The following FMN1 variants were observed in gnomAD, a reference collection of about 807,000 sequenced individuals.
The protein encoded by FMN1 is formin-1.
FMN1 carries 110 observed loss-of-function variants against 132.4 expected under a neutral mutation model. The observed-to-expected ratio is 0.83, with a 90% CI of 0.71 to 0.97. The LOEUF (loss-of-function observed/expected upper bound fraction) is 0.97, where lower values mean the gene tolerates loss of function less well. FMN1 is among the 50% of genes least tolerant of loss of function. FMN1 has a pLI of 0.00. For synonymous variants in FMN1, 722 were observed against 651.7 expected (o/e 1.11, Z -1.64); for missense variants, 1,792 against 1,705.3 (o/e 1.05, Z -0.90).
Position 33,107,558 on chromosome 15 carries a change from T to C in FMN1, c.1868-18584A>G, listed in dbSNP as rs149574140. 2.8e-3 allele frequency among the ~76,000 whole-genome samples: 421 copies of C among 152,216 alleles called. 3 individuals carry two copies. The highest frequency in any genetic ancestry group is 9.7e-3 in the African/African-American group (405 of 41,550). ...TTGCTGTTTTGTAATGACACCAACC[T>C]CATTCCTGCCTTTGGCATTTACACT... On this transcript the variant is annotated intron_variant, in intron 4 of 20. Transcript: ENST00000616417.
At chr15:33,033,282 A>T (rs959270407) in intron 6 of FMN1, among the ~76,000 whole-genome samples, 1 of 152,100 alleles carries the variant, frequency 6.6e-6, no homozygotes, top group African/African-American at 2.4e-5. Context: ...CGCCCACCTC[A>T]GCCTCCCAAA....
At chr15:33,019,216 CA>C (rs2035272378) in intron 6 of FMN1, among the ~76,000 whole-genome samples, 1 of 152,110 alleles carries the variant, frequency 6.6e-6, no homozygotes. Flanking sequence ...GAGCTAGACA[CA>C]AAAGTTCTCC....
rs79003285 is a variant in FMN1 at position 33,176,229 on chromosome 15, T to G, written c.-132+3969A>C. Among the ~76,000 whole-genome samples, 574 of 152,012 alleles carry G rather than the reference T, an allele frequency of 3.8e-3. 1 individual carries two copies. Among genetic ancestry groups the G allele is most frequent in the African/African-American group, 0.014 (562 of 41,454 alleles). On this transcript the variant is annotated intron_variant, in intron 3 of 20. Coordinates refer to ENST00000616417, the MANE Select transcript of FMN1 (RefSeq NM_001277313.2). ...CTCTTCTAAAAATACAAAAGTTAGC[T>G]GGGCATAGTAGCACATGCCTGTAAT...
chr15:33,174,045 T>C (rs963515421), intron 3 of FMN1, among the ~76,000 whole-genome samples: 4 of 152,034 alleles, frequency 2.6e-5, no homozygotes, highest in African/African-American at 9.7e-5. Context: ...ATATAATATG[T>C]ATTATTATTA....
At chr15:33,007,872 T>G in intron 7 of FMN1, 142 bp downstream of exon 7, 1 of 605,774 alleles carries the variant, frequency 1.7e-6, no homozygotes, top group Non-Finnish European at 2.9e-6. Context: ...ATTCCCTGTA[T>G]AGACACAGTG....
intron 10 of FMN1, among the ~76,000 whole-genome samples, chr15:32,916,386 G>T (rs987977780): frequency 6.6e-6 from 1 of 152,168 alleles, no homozygotes; most frequent in African/African-American, 2.4e-5. Context: ...CTTCTAATGA[G>T]TAAAAAGACA....
In FMN1 at chr15:33,134,862, C is replaced by T. The variant is rs752184279; in HGVS notation, c.1867+18186G>A. 1.0e-3 allele frequency among the ~76,000 whole-genome samples: 154 copies of T among 152,138 alleles called. 1 individual carries two copies. Among genetic ancestry groups the T allele is most frequent in the Non-Finnish European group, 3.2e-4 (22 of 68,036 alleles). The stretch of plus-strand genomic sequence containing the variant: ...ACTAAAAGTACAAAATTTAGCCAGG[C>T]GTGGTGGCTTATGCCTGTAATCCCA... On this transcript the variant is annotated intron_variant, in intron 4 of 20. Coordinates refer to ENST00000616417, the MANE Select transcript of FMN1 (RefSeq NM_001277313.2).
At chr15:32,802,224 T>C (rs2057504483) in intron 18 of FMN1, among the ~76,000 whole-genome samples, 1 of 152,200 alleles carries the variant, frequency 6.6e-6, no homozygotes, top group African/African-American at 2.4e-5. Flanking sequence ...CCTGTCTGAT[T>C]TGTATCTTTT....
chr15:33,028,322 T>G (rs920663551), intron 6 of FMN1, among the ~76,000 whole-genome samples: 7 of 152,034 alleles, frequency 4.6e-5, no homozygotes, highest in Non-Finnish European at 1.0e-4. Flanking sequence ...AAAAGTAAGC[T>G]CCTACATTTG....
intron 17 of FMN1, among the ~76,000 whole-genome samples, chr15:32,843,940 T>C (rs1322931383): frequency 6.6e-6 from 1 of 152,166 alleles, no homozygotes; most frequent in Non-Finnish European, 1.5e-5. Flanking sequence ...ACAGTTCTGA[T>C]CTACTCAAAT....
chr15:32,806,959 A>C (rs1443604943), intron 17 of FMN1, among the ~76,000 whole-genome samples: 1 of 151,928 alleles, frequency 6.6e-6, no homozygotes, highest in African/African-American at 2.4e-5. Context: ...TCCTTTCCTC[A>C]TGTGTTTATC....
At chr15:33,073,181 C>G (rs1199965000) in intron 5 of FMN1, among the ~76,000 whole-genome samples, 1 of 152,176 alleles carries the variant, frequency 6.6e-6, no homozygotes, top group Non-Finnish European at 1.5e-5. Context: ...AATTCACCCC[C>G]ACATTCTCAT....
At position 32,768,670 on chromosome 15, in the gene FMN1, T is replaced by G. The variant is rs552420390; in HGVS notation, c.*5640A>C. 5 of 152,340 alleles carry G rather than the reference T, an allele frequency of 3.3e-5. No individual in the cohort carries two copies. In the South Asian group the frequency reaches 1.0e-3, roughly 32 times the overall value. The allele number at this position is 152,340 out of a possible 1,614,324, so 9.4% of individuals were successfully genotyped here. A position where few individuals can be genotyped will look rare whatever the true frequency, so the allele number is the denominator to read the frequency against. Reference sequence around the variant, plus strand: ...TGAAACTATAGTCTTCTTTGCATTTTGCTGGCCCAATGTCATCAAGTTTCA... The same window carrying G: ...TGAAACTATAGTCTTCTTTGCATTTGGCTGGCCCAATGTCATCAAGTTTCA... On this transcript the variant is annotated 3_prime_UTR_variant, in exon 21 of 21. Transcript: ENST00000616417.
intron 16 of FMN1, among the ~76,000 whole-genome samples, chr15:32,874,116 G>T (rs1567307100): frequency 1.3e-5 from 2 of 149,692 alleles, no homozygotes; most frequent in South Asian, 2.1e-4. Context: ...CTGCCTCCTG[G>T]GTTCAAGCGA....
intron 16 of FMN1, among the ~76,000 whole-genome samples, chr15:32,857,401 T>G (rs1391443908): frequency 6.6e-6 from 1 of 152,220 alleles, no homozygotes; most frequent in African/African-American, 2.4e-5. Flanking sequence ...GGTAAAGTAT[T>G]CTGCTTGTGT....
rs772625854 is a variant in FMN1, at chr15:32,969,364, C to G, written c.2337G>C (p.Gly779=). ...ACACATCTTTCCTCTCTTCACAACC[C>G]CCTCGCCATCTGTGTTCTAGCTCGT... is the stretch of plus-strand genomic sequence containing the variant. The part of the protein sequence containing the change: ...LKHELEHRWR[G]GCEERKDVCI... Residue 779 remains glycine, a synonymous_variant, in exon 8 of 21, where the codon GGG becomes GGC. Coordinates refer to ENST00000616417, the MANE Select transcript of FMN1 (RefSeq NM_001277313.2). The G allele has an allele frequency of 3.7e-6, 6 of 1,613,944 alleles. No individual in the cohort carries two copies. The highest frequency in any genetic ancestry group is 1.6e-4 in the Middle Eastern group (1 of 6,062).
chr15:32,966,013 G>A lies in FMN1; in HGVS notation c.2988-1756C>T, dbSNP rs182217527. Among the ~76,000 whole-genome samples, 4 of 152,258 alleles carry A rather than the reference G, an allele frequency of 2.6e-5. No individual in the cohort carries two copies. In the East Asian group the frequency reaches 7.7e-4, roughly 29 times the overall value. ...GGGGAGAAGTAGGATCTTGAAGAAG[G>A]AAGTCAGCTGGGAATTCTGGAGTGA... is the stretch of plus-strand genomic sequence containing the variant. On this transcript the variant is annotated intron_variant, in intron 8 of 20. Transcript: ENST00000616417.
chr15:32,808,643 T>G (rs907380843), intron 17 of FMN1, among the ~76,000 whole-genome samples: 2 of 152,220 alleles, frequency 1.3e-5, no homozygotes, highest in Non-Finnish European at 2.9e-5. Context: ...AAGATCTACC[T>G]TGCAAAGTGC....
chr15:33,168,962 G>A (rs1965213638), intron 3 of FMN1, among the ~76,000 whole-genome samples: 1 of 152,164 alleles, frequency 6.6e-6, no homozygotes, highest in Non-Finnish European at 1.5e-5. Flanking sequence ...TTAATAAACT[G>A]AGCTGCTCTG....
Sources: allele counts gnomAD v4.1 joint callset (sites outside exome capture counted in the v4.1 genomes callset), GRCh38; gene constraint gnomAD v4.1.1; transcripts MANE v1.5; gene names NCBI Gene and HGNC (gene_info 2026-07-23, HGNC 2026-07-21).